The following ULK4 variants were observed in gnomAD, a reference collection of about 807,000 sequenced individuals.
The protein encoded by ULK4 is unc-51 like kinase 4.
In ULK4, 133 loss-of-function variants were observed where a neutral mutation model predicts 160.6. That is an observed-to-expected ratio of 0.83 (90% confidence interval 0.72 to 0.96). ULK4 has a LOEUF of 0.96. ULK4 is among the 40% of genes least tolerant of loss of function. The pLI, the probability that ULK4 is intolerant of heterozygous loss-of-function variation, is 0.00. For missense variants in ULK4, 1,580 were observed against 1,499.5 expected (o/e 1.05, Z -0.89); for synonymous variants, 534 against 539.8 (o/e 0.99, Z 0.15).
intron 9 of ULK4, among the ~76,000 whole-genome samples, chr3:41,912,524 T>C (rs1443589723): frequency 1.4e-4 from 22 of 152,212 alleles, no homozygotes; most frequent in Admixed American, 1.4e-3. Context: ...AAAAAGATCC[T>C]ACCATTTACT....
At chr3:41,318,492 A>G (rs1226226037) in intron 35 of ULK4, among the ~76,000 whole-genome samples, 1 of 152,206 alleles carries the variant, frequency 6.6e-6, no homozygotes, top group Non-Finnish European at 1.5e-5. Flanking sequence ...CTTAATTAGT[A>G]CTGAGAGTCA....
intron 18 of ULK4, among the ~76,000 whole-genome samples, chr3:41,829,692 T>C (rs2041501167): frequency 6.6e-6 from 1 of 152,102 alleles, no homozygotes; most frequent in South Asian, 2.1e-4. Flanking sequence ...TTTTACAGTG[T>C]TGGTGGGACT....
intron 32 of ULK4, among the ~76,000 whole-genome samples, chr3:41,495,884 A>G (rs560340782): frequency 1.3e-5 from 2 of 152,230 alleles, no homozygotes; most frequent in South Asian, 2.1e-4. Context: ...ATGAGATACC[A>G]TCTCACACCA....
intron 35 of ULK4, among the ~76,000 whole-genome samples, chr3:41,284,407 A>G (rs1190783224): frequency 6.6e-6 from 1 of 152,162 alleles, no homozygotes; most frequent in Non-Finnish European, 1.5e-5. Context: ...ACATAGACCG[A>G]TGGAACAGAA....
At chr3:41,585,757 G>A (rs971994451) in intron 31 of ULK4, among the ~76,000 whole-genome samples, 1 of 152,078 alleles carries the variant, frequency 6.6e-6, no homozygotes, top group Non-Finnish European at 1.5e-5. Context: ...GAAAATTTGT[G>A]CAAATCGTAC....
chr3:41,248,786 G>A (rs2078690888), intron 36 of ULK4, among the ~76,000 whole-genome samples: 1 of 152,232 alleles, frequency 6.6e-6, no homozygotes, highest in Admixed American at 6.5e-5. Context: ...GAGCATCAGC[G>A]TCTCTGTGGG....
intron 21 of ULK4, among the ~76,000 whole-genome samples, chr3:41,761,401 A>G (rs2038980760): frequency 6.7e-6 from 1 of 149,008 alleles, no homozygotes; most frequent in South Asian, 2.1e-4. Flanking sequence ...TACATGCTAT[A>G]TATATATTAT....
At chr3:41,576,380 C>A (rs1297050714) in intron 31 of ULK4, among the ~76,000 whole-genome samples, 1 of 152,156 alleles carries the variant, frequency 6.6e-6, no homozygotes, top group Non-Finnish European at 1.5e-5. Context: ...TAATCCCATC[C>A]CTCACCCAAT....
chr3:41,838,196 G>A (rs2041814007), intron 17 of ULK4, among the ~76,000 whole-genome samples: 1 of 152,092 alleles, frequency 6.6e-6, no homozygotes, highest in African/African-American at 2.4e-5. Flanking sequence ...TAATCAGAGA[G>A]GAAGCAAGAA....
At chr3:41,277,974 GAAGCAGGGCGGGGTGTC>G (rs1199078704) in intron 35 of ULK4, 2 of 152,312 alleles carry the variant, frequency 1.3e-5, no homozygotes, top group African/African-American at 4.8e-5. Context: ...AGAGTGCGCC[GAAGCAGGGCGGGGTGTC>G]GCCTCACCTG....
intron 31 of ULK4, among the ~76,000 whole-genome samples, chr3:41,612,873 GAAAGGAA>G (rs1425109447): frequency 6.6e-6 from 1 of 152,110 alleles, no homozygotes; most frequent in Non-Finnish European, 1.5e-5. Flanking sequence ...AGAAACTCTA[GAAAGGAA>G]GAAGGAAGTT....
intron 21 of ULK4, among the ~76,000 whole-genome samples, chr3:41,776,906 G>C (rs2039650823): frequency 1.6e-5 from 1 of 62,328 alleles, no homozygotes; most frequent in East Asian, 3.1e-4. Context: ...GTCTCTGCCA[G>C]GCTTTGGTAT....
chr3:41,894,148 G>C (rs1698071843), intron 16 of ULK4, among the ~76,000 whole-genome samples: 4 of 152,208 alleles, frequency 2.6e-5, no homozygotes. Flanking sequence ...ACTGTACTTG[G>C]AAATGATCTG....
chr3:41,605,391 GT>G (rs2032328298), intron 31 of ULK4, among the ~76,000 whole-genome samples: 2 of 151,668 alleles, frequency 1.3e-5, no homozygotes, highest in Non-Finnish European at 2.9e-5. Context: ...GCATAAATAG[GT>G]TAAGAGTTAA....
intron 29 of ULK4, among the ~76,000 whole-genome samples, chr3:41,677,524 G>C (rs1248853063): frequency 6.6e-6 from 1 of 151,050 alleles, no homozygotes; most frequent in South Asian, 2.1e-4. Flanking sequence ...GTAGAGACCA[G>C]GTTTCACCAT....
At chr3:41,688,204 C>T (rs2036162383) in intron 27 of ULK4, among the ~76,000 whole-genome samples, 1 of 152,194 alleles carries the variant, frequency 6.6e-6, no homozygotes, top group South Asian at 2.1e-4. Flanking sequence ...ACCCCCTCCC[C>T]TGACACCACA....
chr3:41,427,696 A>G (rs142003536), intron 34 of ULK4, among the ~76,000 whole-genome samples: 76 of 152,350 alleles, frequency 5.0e-4, no homozygotes, highest in Middle Eastern at 3.4e-3. Flanking sequence ...CAGATGCAGA[A>G]AAGTCCTTTG....
rs182629354 is a variant in ULK4, at chr3:41,505,861, G to C, written c.3227-42608C>G. Among the ~76,000 whole-genome samples the C allele has an allele frequency of 5.3e-5, 8 of 152,102 alleles. No homozygotes were observed. The East Asian group carries it at 1.5e-3, about 29-fold the overall frequency. ...TCCAATACAACATTTAATAAAAGTG[G>C]TCATGGTGGACATCTTTGTCTTGCT... On this transcript the variant is annotated intron_variant, in intron 32 of 36. Transcript: ENST00000301831.
At chr3:41,559,690 G>T (rs1332343343) in intron 32 of ULK4, among the ~76,000 whole-genome samples, 3 of 152,124 alleles carry the variant, frequency 2.0e-5, no homozygotes. Context: ...AGAAGTGTCT[G>T]TTCATATCCT....
Sources: gnomAD v4.1 joint callset for allele counts (sites outside exome capture counted in the v4.1 genomes callset) on GRCh38, gnomAD v4.1.1 for gene constraint, MANE v1.5 for transcripts, NCBI Gene and HGNC (gene_info 2026-07-23, HGNC 2026-07-21) for gene names.